Variants in TAF4 observed in about 807,000 individuals in gnomAD.
The protein encoded by TAF4 is transcription initiation factor TFIID subunit 4.
A neutral mutation model predicts 90.3 loss-of-function variants in TAF4; 9 were observed. The observed-to-expected ratio is 0.10, with a 90% CI of 0.06 to 0.17. The LOEUF is 0.17. TAF4 is among the 10% of genes least tolerant of loss of function. TAF4 has a pLI of 1.00. For missense variants in TAF4, 1,351 were observed against 1,370.7 expected, an observed-to-expected ratio of 0.99 and a Z score of 0.23; for synonymous variants, 818 against 638.9, an observed-to-expected ratio of 1.28 and a Z score of -4.23.
At chr20:61,990,442 C>T (rs1379857804) in intron 14 of TAF4, among the ~76,000 whole-genome samples, 4 of 152,208 alleles carry the variant, frequency 2.6e-5, no homozygotes. Context: ...AGCAACGACA[C>T]AGCAAAACCA....
At chr20:62,031,075 C>T (rs891182223) in intron 1 of TAF4, among the ~76,000 whole-genome samples, 1 of 152,242 alleles carries the variant, frequency 6.6e-6, no homozygotes, top group Non-Finnish European at 1.5e-5. Flanking sequence ...GTTGAAAACA[C>T]TGAGCACCTG....
At chr20:62,021,951 G>C (rs562710584) in intron 1 of TAF4, among the ~76,000 whole-genome samples, 19 of 152,320 alleles carry the variant, frequency 1.2e-4, no homozygotes, top group African/African-American at 3.1e-4. Context: ...CAGGTCCAAA[G>C]CCCGGGAGGG....
Position 62,006,427 on chromosome 20 carries a change from G to C in TAF4, c.2223+83C>G. 1 of 1,314,004 alleles carries C rather than the reference G, an allele frequency of 7.6e-7. No homozygotes were observed. The highest frequency in any genetic ancestry group is 9.7e-7 in the Non-Finnish European group (1 of 1,029,078). The allele number at this position is 1,314,004 out of a possible 1,614,324, so 81.4% of individuals were successfully genotyped here. A position where few individuals can be genotyped will look rare whatever the true frequency, so the allele number is the denominator to read the frequency against. On this transcript the variant is annotated intron_variant, in intron 7 of 14. Coordinates refer to ENST00000252996, the MANE Select transcript of TAF4 (RefSeq NM_003185.4). This position sits in a 1 kb window ranked among gnomAD's most constrained non-coding sequence, Gnocchi z 7.0. Reference sequence around the variant, plus strand: ...TCCTGCATGCTTGGAAAAGGTTTCTGAGCCGTGGCCAATTTATCTAAGAAG... The same window carrying C: ...TCCTGCATGCTTGGAAAAGGTTTCTCAGCCGTGGCCAATTTATCTAAGAAG...
rs1345555683 is a variant in TAF4, at chr20:62,060,120, C to G, written c.1360+4331G>C. Among the ~76,000 whole-genome samples, 3 of 152,238 alleles carry G rather than the reference C, an allele frequency of 2.0e-5. No homozygotes were observed. In the East Asian group the frequency reaches 5.8e-4, roughly 29 times the overall value. ...TGTGCTGATGTCTAAGGGGCAACTT[C>G]CACAGCACACCGGGGAGCCCGGGGG... On this transcript the variant is annotated intron_variant, in intron 1 of 14. Coordinates refer to ENST00000252996, the MANE Select transcript of TAF4 (RefSeq NM_003185.4).
chr20:61,992,433 A>G (rs1310063736), intron 14 of TAF4, among the ~76,000 whole-genome samples: 1 of 151,884 alleles, frequency 6.6e-6, no homozygotes, highest in Non-Finnish European at 1.5e-5. Context: ...TTTTATTTTA[A>G]TCTCTCCTTC....
Position 62,009,131 on chromosome 20 carries a change from G to A in TAF4, c.1805C>T (p.Thr602Met), listed in dbSNP as rs1880608056. The A allele has an allele frequency of 1.2e-6, 2 of 1,613,152 alleles. No homozygotes were observed. Among genetic ancestry groups the A allele is most frequent in the Non-Finnish European group, 8.5e-7 (1 of 1,179,624 alleles). Reference protein sequence around the residue: ...NVKKCKNFLSTLIKLASSGKQ... With the variant: ...NVKKCKNFLSMLIKLASSGKQ... ...GCCAGATGAAGCCAGTTTTATTAAC[G>A]TAGATAGGAAATTTTTACATTTCTT... The change falls in exon 5 of 15, where the codon ACG becomes ATG. Residue 602 changes from threonine (T) to methionine (M), a missense_variant. By Grantham distance (81) the Thr-to-Met change is moderately conservative. Around this residue, in one of 9 missense-constraint regions of TAF4, gnomAD observed 44 missense variants for 97.4 expected, o/e 0.45. Transcript: ENST00000252996.
At chr20:61,999,245 C>T in intron 11 of TAF4, 137 bp from the exon 12 acceptor site, 1 of 1,124,892 alleles carries the variant, frequency 8.9e-7, no homozygotes, top group Non-Finnish European at 1.3e-6. Flanking sequence ...CCCGATCCCT[C>T]CCACCCTGCA....
intron 9 of TAF4, 134 bp from the exon 10 acceptor site, chr20:62,000,855 T>C: frequency 2.4e-6 from 2 of 830,990 alleles, no homozygotes; most frequent in South Asian, 1.7e-5. Flanking sequence ...TCCCCGCACC[T>C]GCACCTGCTG....
At chr20:62,041,767 T>TA (rs58834929) in intron 1 of TAF4, among the ~76,000 whole-genome samples, 5,726 of 140,544 alleles carry the variant, frequency 0.041, 231 homozygotes, top group African/African-American at 0.11. Flanking sequence ...CCCTTCTCTC[T>TA]AAAAAAAAAA....
chr20:62,023,663 G>C (rs954092099), intron 1 of TAF4, among the ~76,000 whole-genome samples: 7 of 145,324 alleles, frequency 4.8e-5, no homozygotes, highest in African/African-American at 1.8e-4. Context: ...CAGGAGAATC[G>C]CTTGAAGCCG....
chr20:62,014,019 G>GGTGTGGGGGTGT (rs1180312447), intron 2 of TAF4, among the ~76,000 whole-genome samples: 4 of 126,450 alleles, frequency 3.2e-5, no homozygotes, highest in African/African-American at 1.1e-4. Flanking sequence ...CGGGGGTGTG[G>GGTGTGGGGGTGT]GTGTGTGTGT....
chr20:62,064,419 G>T, intron 1 of TAF4, 32 bp downstream of exon 1: 1 of 1,286,936 alleles, frequency 7.8e-7, no homozygotes, highest in Non-Finnish European at 9.9e-7. Context: ...GCTGGGAGCC[G>T]CCCTTCCCTC....
intron 1 of TAF4, among the ~76,000 whole-genome samples, chr20:62,048,162 C>G (rs2056004299): frequency 6.6e-6 from 1 of 152,224 alleles, no homozygotes; most frequent in Non-Finnish European, 1.5e-5. Context: ...CTGCGACATA[C>G]CTAGCACCTT....
intron 1 of TAF4, among the ~76,000 whole-genome samples, chr20:62,054,937 G>T (rs1342397916): frequency 6.6e-6 from 1 of 151,906 alleles, no homozygotes; most frequent in Non-Finnish European, 1.5e-5. Context: ...CATTCCACAA[G>T]AGCCTTTGTC....
At chr20:62,034,250 G>C (rs1033084353) in intron 1 of TAF4, among the ~76,000 whole-genome samples, 2 of 152,176 alleles carry the variant, frequency 1.3e-5, no homozygotes, top group Admixed American at 6.5e-5. Context: ...AAGAGTTGAA[G>C]AGTGCTAGAG....
At chr20:62,024,868 T>G (rs892998264) in intron 1 of TAF4, among the ~76,000 whole-genome samples, 1 of 148,906 alleles carries the variant, frequency 6.7e-6, no homozygotes, top group Admixed American at 6.7e-5. Flanking sequence ...AGACTCCGCG[T>G]CTCAAAAAAA....
chr20:62,026,680 C>T (rs2055876377), intron 1 of TAF4, among the ~76,000 whole-genome samples: 1 of 152,232 alleles, frequency 6.6e-6, no homozygotes, highest in Admixed American at 6.5e-5. Flanking sequence ...CCACACTCGG[C>T]ACAGGAAAGA....
At chr20:62,042,865 G>C (rs1425242880) in intron 1 of TAF4, among the ~76,000 whole-genome samples, 1 of 148,084 alleles carries the variant, frequency 6.8e-6, no homozygotes, top group Non-Finnish European at 1.5e-5. Flanking sequence ...TCATAGGGAT[G>C]ACGGCTCCAT....
intron 8 of TAF4, among the ~76,000 whole-genome samples, 190 bp downstream of exon 8, chr20:62,003,541 T>C (rs2055721771): frequency 2.0e-5 from 3 of 152,186 alleles, no homozygotes; most frequent in African/African-American, 7.2e-5. Context: ...ATACATAAAA[T>C]TAAAAATCAT....
Sources: gnomAD v4.1 joint callset for allele counts (sites outside exome capture counted in the v4.1 genomes callset) on GRCh38, gnomAD v4.1.1 for gene constraint, gnomAD v4.1.1 regional missense constraint, Gnocchi (gnomAD v3.1) non-coding constraint, MANE v1.5 for transcripts, NCBI Gene and HGNC (gene_info 2026-07-23, HGNC 2026-07-21) for gene names.